Variants in SNTG1 observed in about 807,000 individuals in gnomAD.
SNTG1 encodes the protein gamma-1-syntrophin.
In SNTG1, 39 loss-of-function variants were observed where a neutral mutation model predicts 74.7. That is an observed-to-expected ratio of 0.52 (90% CI 0.40 to 0.68). SNTG1 has a LOEUF of 0.68. Among genes scored for constraint, SNTG1 ranks in the 30% least tolerant of loss-of-function variants. The pLI is 0.00. For synonymous variants in SNTG1, 254 were observed against 217.1 expected (o/e 1.17, Z -1.49); for missense variants, 685 against 609.5 (o/e 1.12, Z -1.30).
chr8:50,775,711 T>C (rs1262842528), intron 18 of SNTG1, among the ~76,000 whole-genome samples: 3 of 151,740 alleles, frequency 2.0e-5, no homozygotes, highest in Non-Finnish European at 3.0e-5. Context: ...AAGAGAGATG[T>C]TGAAGTCTTC....
Position 49,963,603 on chromosome 8 carries a change from A to G in SNTG1, c.-103+51372A>G, listed in dbSNP as rs111678720. ...TCCTGATCAAGCAAGCATTGCCCCT[A>G]TATCTTGCTCCTCTCCATTCTGTCA... On this transcript the variant is annotated intron_variant, in intron 1 of 18. Coordinates refer to ENST00000642720, the MANE Select transcript of SNTG1 (RefSeq NM_018967.5). 8.5e-5 allele frequency among the ~76,000 whole-genome samples: 13 copies of G among 152,250 alleles called. 1 individual carries two copies. Among genetic ancestry groups the G allele is most frequent in the African/African-American group, 2.6e-4 (11 of 41,534 alleles).
intron 2 of SNTG1, among the ~76,000 whole-genome samples, chr8:50,270,414 T>C (rs2087717968): frequency 6.6e-6 from 1 of 152,180 alleles, no homozygotes. Flanking sequence ...TCTAACAAAA[T>C]TTAACCAATA....
intron 12 of SNTG1, among the ~76,000 whole-genome samples, chr8:50,559,350 A>C (rs2094474061): frequency 1.3e-5 from 2 of 152,332 alleles, no homozygotes; most frequent in East Asian, 3.9e-4. Context: ...TTTGTTTCCT[A>C]GAGAAAGCCT....
intron 8 of SNTG1, among the ~76,000 whole-genome samples, chr8:50,479,054 G>A (rs543300072): frequency 1.6e-4 from 25 of 152,164 alleles, no homozygotes; most frequent in African/African-American, 6.0e-4. Context: ...TTATTTCATA[G>A]ATGAGAAAGA....
chr8:50,591,538 C>A (rs1449579030), intron 13 of SNTG1, among the ~76,000 whole-genome samples: 2 of 152,106 alleles, frequency 1.3e-5, no homozygotes, highest in Non-Finnish European at 2.9e-5. Context: ...CTATGTGCAA[C>A]ATTTGTGTAA....
At chr8:49,942,476 T>G (rs1026848642) in intron 1 of SNTG1, among the ~76,000 whole-genome samples, 5 of 152,074 alleles carry the variant, frequency 3.3e-5, no homozygotes, top group African/African-American at 9.7e-5. Context: ...TCAATGCCAT[T>G]TTTTTTACTA....
rs189937666 is a variant in SNTG1, at chr8:50,092,995, C to T, written c.-102-79566C>T. On this transcript the variant is annotated intron_variant, in intron 1 of 18. Transcript: ENST00000642720. The stretch of plus-strand genomic sequence containing the variant: ...CTGGTGGTAAGACACCAGTGGATCT[C>T]GTTGAAGGAGAATTCTCAAGAGCAA... 1.5e-3 allele frequency among the ~76,000 whole-genome samples: 225 copies of T among 152,110 alleles called. 1 individual carries two copies. Among genetic ancestry groups the T allele is most frequent in the African/African-American group, 4.8e-3 (198 of 41,502 alleles).
rs565190334 is a variant in SNTG1 at position 50,137,225 on chromosome 8, A to C, written c.-102-35336A>C. Among the ~76,000 whole-genome samples, 325 of 152,336 alleles carry C rather than the reference A, an allele frequency of 2.1e-3. 3 individuals carry two copies. The highest frequency in any genetic ancestry group is 7.5e-3 in the African/African-American group (310 of 41,582). ...AGATTTGAAAGTGAGAAGATGAGCT[A>C]GAAGGCTCCTGAATTAGTATAGTGA... On this transcript the variant is annotated intron_variant, in intron 1 of 18. Coordinates refer to ENST00000642720, the MANE Select transcript of SNTG1 (RefSeq NM_018967.5).
At chr8:50,294,375 G>GAAAC (rs1383971032) in intron 2 of SNTG1, among the ~76,000 whole-genome samples, 1 of 152,154 alleles carries the variant, frequency 6.6e-6, no homozygotes, top group African/African-American at 2.4e-5. Flanking sequence ...CTTTTAAAGA[G>GAAAC]AAACAGAACT....
intron 13 of SNTG1, among the ~76,000 whole-genome samples, chr8:50,611,590 G>A (rs956560694): frequency 2.0e-5 from 3 of 152,082 alleles, no homozygotes; most frequent in African/African-American, 4.8e-5. Flanking sequence ...TAAAAGCATT[G>A]AAGAATGTAT....
chr8:50,701,840 C>T (rs1313205255), intron 15 of SNTG1, among the ~76,000 whole-genome samples: 2 of 147,294 alleles, frequency 1.4e-5, no homozygotes, highest in Non-Finnish European at 3.0e-5. Context: ...TCCTCCTCCT[C>T]CTTCTCCCTC....
chr8:50,587,564 C>A (rs943126962), intron 12 of SNTG1, among the ~76,000 whole-genome samples: 2 of 152,150 alleles, frequency 1.3e-5, no homozygotes, highest in African/African-American at 2.4e-5. Context: ...GTGGCTCACG[C>A]CTGAAATCCC....
chr8:49,980,805 T>C (rs1178493783), intron 1 of SNTG1, among the ~76,000 whole-genome samples: 1 of 152,206 alleles, frequency 6.6e-6, no homozygotes. Flanking sequence ...AATGTGTTTT[T>C]AAGCCTTTTA....
At chr8:50,523,880 ATGAGATATGTC>A in intron 9 of SNTG1, among the ~76,000 whole-genome samples, 1 of 152,290 alleles carries the variant, frequency 6.6e-6, no homozygotes, top group Non-Finnish European at 1.5e-5. Context: ...ATGTAATAAA[ATGAGATATGTC>A]TGTACTTGGA....
At chr8:50,090,589 C>G (rs149478918) in intron 1 of SNTG1, among the ~76,000 whole-genome samples, 1 of 152,054 alleles carries the variant, frequency 6.6e-6, no homozygotes, top group African/African-American at 2.4e-5. Flanking sequence ...TTAGCTTGGC[C>G]GGGTGAAGAC....
At chr8:50,010,053 C>A (rs989598246) in intron 1 of SNTG1, among the ~76,000 whole-genome samples, 1 of 152,114 alleles carries the variant, frequency 6.6e-6, no homozygotes, top group Non-Finnish European at 1.5e-5. Context: ...TTTATCAAGT[C>A]TCAAGTCTTC....
intron 1 of SNTG1, among the ~76,000 whole-genome samples, chr8:50,094,091 G>A (rs1472748359): frequency 6.6e-6 from 1 of 152,134 alleles, no homozygotes; most frequent in African/African-American, 2.4e-5. Flanking sequence ...GTCTTGTGGA[G>A]GTGTTTGCTG....
intron 11 of SNTG1, among the ~76,000 whole-genome samples, chr8:50,543,438 TTTGTTG>T (rs58511910): frequency 6.6e-6 from 1 of 151,548 alleles, no homozygotes; most frequent in Non-Finnish European, 1.5e-5. Flanking sequence ...ATGTGTCTGT[TTTGTTG>T]TTGTTGTTGT....
intron 2 of SNTG1, among the ~76,000 whole-genome samples, chr8:50,184,650 T>TGAAACC: frequency 6.6e-6 from 1 of 152,264 alleles, no homozygotes; most frequent in Admixed American, 6.5e-5. Context: ...AGCATTCCAC[T>TGAAACC]GAAACCATTC....
Sources: allele counts gnomAD v4.1 joint callset (sites outside exome capture counted in the v4.1 genomes callset), GRCh38; gene constraint gnomAD v4.1.1; transcripts MANE v1.5; gene names NCBI Gene and HGNC (gene_info 2026-07-23, HGNC 2026-07-21).